PPP6R1: variants seen among roughly 807,000 people sequenced by gnomAD.
The protein encoded by PPP6R1 is protein phosphatase 6 regulatory subunit 1.
In PPP6R1, 39 loss-of-function variants were observed where a neutral mutation model predicts 104.6. The observed-to-expected ratio is 0.37, with a 90% CI of 0.29 to 0.49. PPP6R1 has a LOEUF of 0.49. Among genes scored for constraint, PPP6R1 ranks in the 20% least tolerant of loss-of-function variants. PPP6R1 has a pLI of 0.98. For missense variants in PPP6R1, 1,181 were observed against 1,155.8 expected (o/e 1.02, Z -0.32); for synonymous variants, 549 against 479.0 (o/e 1.15, Z -1.91).
chr19:55,242,465 G>C lies in PPP6R1; in HGVS notation c.642C>G (p.Ser214=). 1.9e-6 allele frequency: 3 copies of C among 1,613,900 alleles called. No individual in the cohort carries two copies. Among genetic ancestry groups the C allele is most frequent in the Non-Finnish European group, 1.7e-6 (2 of 1,179,786 alleles). The change falls in exon 6 of 24, where the codon TCC becomes TCG. Residue 214 remains serine (S), a synonymous_variant. Coordinates refer to ENST00000412770, the MANE Select transcript of PPP6R1 (RefSeq NM_014931.4). ...DENQHSNASQ[S]LCDIIRLSRE... ...GGCTCAGGCGGATGATGTCACACAGGGACTGGGATGCGTTGGAATGTTGCT... is the reference window on the plus strand; with the variant it reads ...GGCTCAGGCGGATGATGTCACACAGCGACTGGGATGCGTTGGAATGTTGCT...
At chr19:55,228,578 C>G, downstream of PPP6R1, 1 of 1,520,430 alleles carries the variant, frequency 6.6e-7, no homozygotes, top group African/African-American at 1.4e-5. Context: ...GCTGCCAGAA[C>G]CCAGCTTCCC....
chr19:55,235,699 T>C (rs1049600557), intron 17 of PPP6R1, among the ~76,000 whole-genome samples: 2 of 151,724 alleles, frequency 1.3e-5, no homozygotes, highest in Admixed American at 1.3e-4. Flanking sequence ...TTTGTATTTT[T>C]AGTAGAGACG....
rs1487933170 is a variant in PPP6R1 at position 55,245,102 on chromosome 19, G to T, written c.618+18C>A. 1 of 1,612,490 alleles carries T rather than the reference G, an allele frequency of 6.2e-7. No homozygotes were observed. The highest frequency in any genetic ancestry group is 1.1e-5 in the South Asian group (1 of 90,640). Reference sequence around the variant, plus strand: ...AGGAACTCTAAGGGGAATCCGCAGGGGCATCGGCAGCACTCACATTCTCAT... The same window carrying T: ...AGGAACTCTAAGGGGAATCCGCAGGTGCATCGGCAGCACTCACATTCTCAT... On this transcript the variant is annotated intron_variant, in intron 5 of 23. Transcript: ENST00000412770. The surrounding 1 kb of genome is among the most constrained non-coding windows in gnomAD (Gnocchi z 6.4).
downstream of PPP6R1, chr19:55,228,284 G>A (rs1340958841): frequency 6.2e-7 from 1 of 1,613,318 alleles, no homozygotes; most frequent in Non-Finnish European, 8.5e-7. Context: ...CCCCCGCTTG[G>A]GGACATGACC....
At chr19:55,248,209 T>A (rs2087526385) in intron 1 of PPP6R1, among the ~76,000 whole-genome samples, 2 of 152,224 alleles carry the variant, frequency 1.3e-5, no homozygotes, top group South Asian at 4.1e-4. Flanking sequence ...ACAATGGTCC[T>A]GGCTCTGCAT....
chr19:55,240,510 TGCATACACACACACAC>T (rs2087443121), intron 10 of PPP6R1, among the ~76,000 whole-genome samples: 1 of 136,556 alleles, frequency 7.3e-6, no homozygotes, highest in African/African-American at 2.9e-5. Context: ...GAATATGTGG[TGCATACACACACACAC>T]ACACACACAC....
Position 55,242,451 on chromosome 19 carries a change from A to G in PPP6R1, c.656T>C (p.Ile219Thr). 13 of 1,613,998 alleles carry G rather than the reference A, an allele frequency of 8.1e-6. No homozygotes were observed. Among genetic ancestry groups the G allele is most frequent in the Non-Finnish European group, 1.1e-5 (13 of 1,179,866 alleles). The change falls in exon 6 of 24, where the codon ATC (isoleucine) becomes ACC (threonine). Residue 219 changes from isoleucine (I) to threonine (T), a missense_variant. Around this residue, in one of 2 missense-constraint regions of PPP6R1, gnomAD observed 1,042 missense variants for 955.6 expected, o/e 1.09. Coordinates refer to ENST00000412770, the MANE Select transcript of PPP6R1 (RefSeq NM_014931.4). Reference protein sequence around the residue: ...SNASQSLCDIIRLSREQMIQV... With the variant: ...SNASQSLCDITRLSREQMIQV... ...GATCATCTGCTCCCGGCTCAGGCGG[A>G]TGATGTCACACAGGGACTGGGATGC...
rs1430401053 is a variant in PPP6R1 at position 55,230,852 on chromosome 19, G to C, written c.2492C>G (p.Ala831Gly). ...ATRDPSTSVP[A>G]SGAHQPPQTT... is the part of the protein sequence containing the mutation. Reference sequence around the variant, plus strand: ...CTGGGGGGGCTGGTGGGCCCCGGAGGCTGGGACAGAGGTAGAGGGGTCTCT... The same window carrying C: ...CTGGGGGGGCTGGTGGGCCCCGGAGCCTGGGACAGAGGTAGAGGGGTCTCT... Residue 831 changes from alanine (A) to glycine (G), a missense_variant, in exon 22 of 24, where the codon GCC becomes GGC. Physicochemically the swap from Ala to Gly is moderately conservative, Grantham distance 60. Around this residue, in one of 2 missense-constraint regions of PPP6R1, gnomAD observed 1,042 missense variants for 955.6 expected, o/e 1.09. Coordinates refer to ENST00000412770, the MANE Select transcript of PPP6R1 (RefSeq NM_014931.4). The C allele has an allele frequency of 6.2e-7, 1 of 1,607,538 alleles. No homozygotes were observed. The highest frequency in any genetic ancestry group is 8.5e-7 in the Non-Finnish European group (1 of 1,179,626).
rs749413034 is a variant in PPP6R1 at position 55,239,848 on chromosome 19, T to C, written c.1541A>G (p.Asn514Ser). Residue 514 changes from asparagine to serine, a missense_variant, in exon 13 of 24, where the codon AAC becomes AGC. Coordinates refer to ENST00000412770, the MANE Select transcript of PPP6R1 (RefSeq NM_014931.4). ...CACCAGGTCCACCATGTTCTTCTTG[T>C]TGGTCTCCGCCAGGGGCCCCGATAC... ...AFVSGPLAET[N>S]KKNMVDLVNT... 1.2e-6 allele frequency: 2 copies of C among 1,613,908 alleles called. No individual in the cohort carries two copies. Among genetic ancestry groups the C allele is most frequent in the South Asian group, 1.1e-5 (1 of 91,080 alleles).
At chr19:55,254,331 C>T (rs1007882563) in intron 1 of PPP6R1, among the ~76,000 whole-genome samples, 16 of 152,348 alleles carry the variant, frequency 1.1e-4, no homozygotes, top group African/African-American at 3.6e-4. Context: ...CCATTAAAAA[C>T]GAAAACTACC....
chr19:55,240,893 C>A (rs758368812), intron 10 of PPP6R1, 52 bp downstream of exon 10: 2 of 1,577,682 alleles, frequency 1.3e-6, no homozygotes, highest in Non-Finnish European at 1.7e-6. Flanking sequence ...GGAGAGGGTG[C>A]GCCCACAGGG....
intron 1 of PPP6R1, among the ~76,000 whole-genome samples, chr19:55,254,961 C>T (rs2087581766): frequency 1.3e-5 from 2 of 152,336 alleles, no homozygotes; most frequent in South Asian, 4.1e-4. Context: ...CCGGCATCAC[C>T]CACCCAGCAA....
At chr19:55,236,020 G>A (rs2087395554) in intron 17 of PPP6R1, among the ~76,000 whole-genome samples, 1 of 151,702 alleles carries the variant, frequency 6.6e-6, no homozygotes, top group South Asian at 2.1e-4. Flanking sequence ...TGTAGAGACA[G>A]GGTTTCGCTA....
Position 55,247,002 on chromosome 19 carries a change from C to T in PPP6R1, c.102G>A (p.Leu34=). The T allele has an allele frequency of 6.2e-7, 1 of 1,613,926 alleles. No homozygotes were observed. Among genetic ancestry groups the T allele is most frequent in the Non-Finnish European group, 8.5e-7 (1 of 1,179,894 alleles). The part of the protein sequence containing the change: ...LPELLDEEDV[L]QECKVVNRKL... ...TGCGGTTGACGACCTTGCACTCCTG[C>T]AGCACGTCTTCCTCGTCCAGCAGCT... is the stretch of plus-strand genomic sequence containing the variant. The change falls in exon 2 of 24, where the codon CTG becomes CTA. Residue 34 remains leucine, a synonymous_variant. Coordinates refer to ENST00000412770, the MANE Select transcript of PPP6R1 (RefSeq NM_014931.4).
chr19:55,236,558 A>C (rs902772293), intron 17 of PPP6R1, 85 bp downstream of exon 17: 78 of 1,376,158 alleles, frequency 5.7e-5, no homozygotes, highest in Non-Finnish European at 7.3e-5. Flanking sequence ...CATTCACTTC[A>C]GCCTCAGTCC....
intron 17 of PPP6R1, chr19:55,232,587 C>T (rs2087359887): frequency 9.6e-6 from 2 of 208,902 alleles, no homozygotes; most frequent in African/African-American, 2.4e-5. Context: ...CAGTGACAGG[C>T]CTTCCCACCA....
At chr19:55,231,264 G>A (rs117529021) in intron 21 of PPP6R1, 146 bp downstream of exon 21, 28,475 of 1,011,984 alleles carry the variant, frequency 0.028, 540 homozygotes, top group Non-Finnish European at 0.033. Context: ...AGAGTGCAAG[G>A]GGCTGGGGCA....
chr19:55,233,158 G>C (rs745495432), intron 17 of PPP6R1: 4 of 152,168 alleles, frequency 2.6e-5, no homozygotes, highest in Non-Finnish European at 5.9e-5. Flanking sequence ...GATGCAGTAT[G>C]GGACTATATA....
Position 55,245,415 on chromosome 19 carries a change from G to A in PPP6R1, c.415-13C>T, listed in dbSNP as rs776286841. Reference sequence around the variant, plus strand: ...GAAAGGACACGAGCTGGGGGCACACGGGCTGCGTCATGCACAGGGCCTGGC... The same window carrying A: ...GAAAGGACACGAGCTGGGGGCACACAGGCTGCGTCATGCACAGGGCCTGGC... On this transcript the variant is annotated splice_polypyrimidine_tract_variant and intron_variant, in intron 3 of 23. Transcript: ENST00000412770. The surrounding 1 kb of genome is among the most constrained non-coding windows in gnomAD (Gnocchi z 6.4). 39 of 1,613,114 alleles carry A rather than the reference G, an allele frequency of 2.4e-5. No individual in the cohort carries two copies. The highest frequency in any genetic ancestry group is 3.3e-4 in the Middle Eastern group (2 of 6,082).
Sources: gnomAD v4.1 joint callset for allele counts (sites outside exome capture counted in the v4.1 genomes callset) on GRCh38, gnomAD v4.1.1 for gene constraint, gnomAD v4.1.1 regional missense constraint, Gnocchi (gnomAD v3.1) non-coding constraint, MANE v1.5 for transcripts, NCBI Gene and HGNC (gene_info 2026-07-23, HGNC 2026-07-21) for gene names.